The following EPHB1 variants were observed in gnomAD, a reference collection of about 807,000 sequenced individuals.
EPHB1 encodes EPH receptor B1, also known as ephrin type-B receptor 1.
Under a neutral mutation model 94.4 loss-of-function variants are expected in EPHB1, and 30 were observed. The ratio of observed to expected loss-of-function variants is 0.32; its 90% CI spans 0.24 to 0.43. The LOEUF is 0.43. Ranked by LOEUF, EPHB1 falls within the 20% of genes least tolerant of loss-of-function variation. The probability of loss-of-function intolerance (pLI) is 1.00; values close to 1 mark genes in which losing one functional copy is unlikely to be tolerated. For missense variants in EPHB1, 1,055 were observed against 1,308.3 expected, an observed-to-expected ratio of 0.81 and a Z score of 2.99; for synonymous variants, 522 against 489.1, an observed-to-expected ratio of 1.07 and a Z score of -0.89.
chr3:134,951,463 G>A lies in EPHB1; in HGVS notation c.216G>A (p.Leu72=), dbSNP rs745604803. The A allele has an allele frequency of 6.2e-7, 1 of 1,613,250 alleles. No homozygotes were observed. The highest frequency in any genetic ancestry group is 1.7e-5 in the Admixed American group (1 of 59,940). The change falls in exon 3 of 16, where the codon CTG becomes CTA. Residue 72 remains leucine (L), a synonymous_variant. Transcript: ENST00000398015. This position sits in a 1 kb window ranked among gnomAD's most constrained non-coding sequence, Gnocchi z 4.5. ...TCGAGCCCAACCAGAACAATTGGCT[G>A]CTCACCACCTTCATCAACCGGCGGG... ...NVFEPNQNNW[L]LTTFINRRGA... is the part of the protein sequence containing the mutation.
chr3:134,795,568 G>A lies in EPHB1; in HGVS notation c.-64G>A. 6.5e-7 allele frequency: 1 copy of A among 1,528,664 alleles called. No individual in the cohort carries two copies. The highest frequency in any genetic ancestry group is 9.0e-7 in the Non-Finnish European group (1 of 1,116,832). The allele number at this position is 1,528,664 out of a possible 1,614,324, so 94.7% of individuals were successfully genotyped here. On this transcript the variant is annotated 5_prime_UTR_variant, in exon 1 of 16. Coordinates refer to ENST00000398015, the MANE Select transcript of EPHB1 (RefSeq NM_004441.5). ...CGCGGAGAGCGCAGCGGCGCCCTGGGACGCGGCGCTCTCCCGGCGCTGCTG... is the reference window on the plus strand; with the variant it reads ...CGCGGAGAGCGCAGCGGCGCCCTGGAACGCGGCGCTCTCCCGGCGCTGCTG...
At chr3:135,064,801 T>G (rs946274874) in intron 3 of EPHB1, among the ~76,000 whole-genome samples, 1 of 152,176 alleles carries the variant, frequency 6.6e-6, no homozygotes, top group Admixed American at 6.5e-5. Flanking sequence ...CCTTAGAATG[T>G]CAGTTTATGC....
At chr3:135,116,690 G>T (rs1055957987) in intron 4 of EPHB1, among the ~76,000 whole-genome samples, 1 of 152,132 alleles carries the variant, frequency 6.6e-6, no homozygotes, top group Non-Finnish European at 1.5e-5. Context: ...CCATTGCACT[G>T]GTGGGCCCCT....
At chr3:134,990,431 A>G (rs879605300) in intron 3 of EPHB1, among the ~76,000 whole-genome samples, 1 of 152,120 alleles carries the variant, frequency 6.6e-6, no homozygotes, top group Admixed American at 6.5e-5. Flanking sequence ...AGAGCCTCTA[A>G]CTTAGGGATG....
intron 1 of EPHB1, among the ~76,000 whole-genome samples, chr3:134,836,045 C>T (rs1399708): frequency 0.12 from 18,974 of 152,230 alleles, 1,343 homozygotes; most frequent in South Asian, 0.34. Flanking sequence ...GTGGACACTC[C>T]ATTTGACGGC....
At chr3:134,961,909 T>C (rs1164214386) in intron 3 of EPHB1, among the ~76,000 whole-genome samples, 1 of 152,244 alleles carries the variant, frequency 6.6e-6, no homozygotes, top group Non-Finnish European at 1.5e-5. Flanking sequence ...GTGAGAAAAA[T>C]TAATTTATTT....
chr3:135,257,360 G>A (rs1933446203), intron 15 of EPHB1, among the ~76,000 whole-genome samples: 1 of 151,932 alleles, frequency 6.6e-6, no homozygotes. Flanking sequence ...ATCTACTTTT[G>A]GTCTTTGATG....
chr3:134,954,329 G>A (rs1933160073), intron 3 of EPHB1, among the ~76,000 whole-genome samples: 2 of 152,272 alleles, frequency 1.3e-5, no homozygotes, highest in South Asian at 2.1e-4. Flanking sequence ...GGTGGGGGGT[G>A]GGAAGTGCAT....
At chr3:135,028,001 T>A (rs1936258803) in intron 3 of EPHB1, among the ~76,000 whole-genome samples, 1 of 145,882 alleles carries the variant, frequency 6.9e-6, no homozygotes, top group Non-Finnish European at 1.5e-5. Context: ...GATTTTCTAG[T>A]TTATTTGCGT....
chr3:134,884,911 C>G (rs189702090), intron 1 of EPHB1, among the ~76,000 whole-genome samples: 1 of 152,332 alleles, frequency 6.6e-6, no homozygotes, highest in East Asian at 1.9e-4. Flanking sequence ...TATGTACATA[C>G]AGGCATGCTG....
At chr3:134,848,349 T>C (rs1483689277) in intron 1 of EPHB1, among the ~76,000 whole-genome samples, 1 of 152,244 alleles carries the variant, frequency 6.6e-6, no homozygotes, top group East Asian at 1.9e-4. Context: ...CAGAGCAATT[T>C]TAATAAACAT....
chr3:135,167,571 A>T, intron 9 of EPHB1, among the ~76,000 whole-genome samples: 1 of 152,162 alleles, frequency 6.6e-6, no homozygotes, highest in East Asian at 1.9e-4. Flanking sequence ...TAATATTTTT[A>T]TAACTAAAAT....
At chr3:135,238,815 G>C (rs1943712926) in intron 12 of EPHB1, among the ~76,000 whole-genome samples, 2 of 152,080 alleles carry the variant, frequency 1.3e-5, no homozygotes, top group South Asian at 4.2e-4. Flanking sequence ...CAGGTATTTT[G>C]AGAAAACCAA....
At chr3:135,208,795 G>A (rs1036390733) in intron 12 of EPHB1, among the ~76,000 whole-genome samples, 3 of 152,234 alleles carry the variant, frequency 2.0e-5, no homozygotes, top group South Asian at 4.2e-4. Flanking sequence ...GCTGAGAGTG[G>A]CTTTGAAGCA....
intron 10 of EPHB1, among the ~76,000 whole-genome samples, chr3:135,188,540 G>A (rs1043753809): frequency 6.6e-6 from 1 of 152,126 alleles, no homozygotes; most frequent in Non-Finnish European, 1.5e-5. Flanking sequence ...CAAGTGTTTC[G>A]AACAGTTTGT....
intron 12 of EPHB1, among the ~76,000 whole-genome samples, chr3:135,216,612 A>C (rs1943152771): frequency 6.6e-6 from 1 of 151,520 alleles, no homozygotes; most frequent in Non-Finnish European, 1.5e-5. Context: ...AATCCCAGCT[A>C]CTTGAGAGGC....
chr3:135,094,790 C>T lies in EPHB1; in HGVS notation c.806-11658C>T, dbSNP rs551024798. Among the ~76,000 whole-genome samples, 594 of 152,368 alleles carry T rather than the reference C, an allele frequency of 3.9e-3. 1 individual carries two copies. Among genetic ancestry groups the T allele is most frequent in the African/African-American group, 0.014 (567 of 41,584 alleles). ...CCATGGGGCTCTCAGCAGCTACTGG[C>T]TGTCCAGTTGGCCTGCTATAGAGGA... On this transcript the variant is annotated intron_variant, in intron 3 of 15. Coordinates refer to ENST00000398015, the MANE Select transcript of EPHB1 (RefSeq NM_004441.5).
At chr3:135,152,853 C>T (rs935370314) in intron 5 of EPHB1, among the ~76,000 whole-genome samples, 1 of 152,152 alleles carries the variant, frequency 6.6e-6, no homozygotes, top group Admixed American at 6.5e-5. Flanking sequence ...AATTACTCTT[C>T]AAGGAGTAGG....
chr3:135,110,343 G>A (rs1939391843), intron 4 of EPHB1, among the ~76,000 whole-genome samples: 1 of 152,094 alleles, frequency 6.6e-6, no homozygotes, highest in Non-Finnish European at 1.5e-5. Flanking sequence ...TGTGTCCCTT[G>A]AGCCCACCAG....
Sources: gnomAD v4.1 joint callset for allele counts (sites outside exome capture counted in the v4.1 genomes callset) on GRCh38, gnomAD v4.1.1 for gene constraint, Gnocchi (gnomAD v3.1) non-coding constraint, MANE v1.5 for transcripts, NCBI Gene and HGNC (gene_info 2026-07-23, HGNC 2026-07-21) for gene names.